The following FAT3 variants were observed in gnomAD, a reference collection of about 807,000 sequenced individuals.
The protein encoded by FAT3 is FAT atypical cadherin 3, also known as protocadherin Fat 3.
Under a neutral mutation model 310.2 loss-of-function variants are expected in FAT3, and 95 were observed. The ratio of observed to expected loss-of-function variants is 0.31; its 90% CI spans 0.26 to 0.36. The LOEUF (loss-of-function observed/expected upper bound fraction) is 0.36. Ranked by LOEUF, FAT3 falls within the 10% of genes least tolerant of loss-of-function variation. The probability of loss-of-function intolerance (pLI) is 1.00; values close to 1 mark genes in which losing one functional copy is unlikely to be tolerated. For missense variants in FAT3, 5,408 were observed against 5,715.6 expected (o/e 0.95, Z 1.74); for synonymous variants, 2,314 against 2,192.9 (o/e 1.06, Z -1.54).
intron 3 of FAT3, among the ~76,000 whole-genome samples, chr11:92,619,767 G>C (rs1017249907): frequency 2.0e-5 from 3 of 151,246 alleles, no homozygotes; most frequent in Admixed American, 6.6e-5. Flanking sequence ...GATCACTCTA[G>C]CTCAATTTTG....
At chr11:92,826,414 C>T (rs978325541) in intron 13 of FAT3, among the ~76,000 whole-genome samples, 9 of 152,100 alleles carry the variant, frequency 5.9e-5, no homozygotes, top group African/African-American at 2.2e-4. Context: ...AGTGTTGGCT[C>T]AAAACCAACT....
In FAT3 at chr11:92,890,520, C is replaced by T. The variant is rs2136442451; in HGVS notation, c.13177C>T (p.Pro4393Ser). The change falls in exon 28 of 28, where the codon CCA becomes TCA. Residue 4393 changes from proline to serine, a missense_variant. Pro to Ser is a moderately conservative substitution (Grantham distance 74). Coordinates refer to ENST00000525166, the MANE Select transcript of FAT3 (RefSeq NM_001367949.2). ...AYHWDTSDWM[P>S]GARLSDIEEV... is the part of the protein sequence containing the mutation. ...TCACTGGGACACCTCTGATTGGATGCCAGGGGCCCGCCTGTCGGACATAGA... is the reference window on the plus strand; with the variant it reads ...TCACTGGGACACCTCTGATTGGATGTCAGGGGCCCGCCTGTCGGACATAGA... 4 of 1,613,122 alleles carry T rather than the reference C, an allele frequency of 2.5e-6. No individual in the cohort carries two copies. The highest frequency in any genetic ancestry group is 3.4e-6 in the Non-Finnish European group (4 of 1,179,552).
At chr11:92,237,309 G>C (rs984945942) in intron 1 of FAT3, among the ~76,000 whole-genome samples, 4 of 152,154 alleles carry the variant, frequency 2.6e-5, no homozygotes, top group Non-Finnish European at 4.4e-5. Flanking sequence ...TGAGTGCTGA[G>C]TGTAAATGGT....
Position 92,229,347 on chromosome 11 carries a change from C to G in FAT3, c.-18+4173C>G, listed in dbSNP as rs377205888. 3.7e-5 allele frequency among the ~76,000 whole-genome samples: 4 copies of G among 108,306 alleles called. No individual in the cohort carries two copies. The East Asian group carries it at 8.7e-4, about 24-fold the overall frequency. The allele number at this position is 108,306 out of a possible 152,430, so 71.1% of individuals were successfully genotyped here. A position where few individuals can be genotyped will look rare whatever the true frequency, so the allele number is the denominator to read the frequency against. On this transcript the variant is annotated intron_variant, in intron 1 of 27. Coordinates refer to ENST00000525166, the MANE Select transcript of FAT3 (RefSeq NM_001367949.2). ...AGTGTGACAACTTTCTCTGGGAAGA[C>G]TCAGAGAGTAAATATCTTTTCTGTG...
intron 1 of FAT3, among the ~76,000 whole-genome samples, chr11:92,334,309 A>G (rs1167033450): frequency 6.6e-6 from 1 of 152,180 alleles, no homozygotes; most frequent in African/African-American, 2.4e-5. Context: ...CTGGGAGTCA[A>G]GGCTGCAGCC....
intron 2 of FAT3, among the ~76,000 whole-genome samples, chr11:92,434,080 T>C (rs1261410529): frequency 6.6e-6 from 1 of 151,294 alleles, no homozygotes; most frequent in African/African-American, 2.4e-5. Flanking sequence ...AGGATGCTGA[T>C]CAGAGGAGAA....
At chr11:92,423,010 A>T (rs1422661350) in intron 2 of FAT3, among the ~76,000 whole-genome samples, 2 of 152,216 alleles carry the variant, frequency 1.3e-5, no homozygotes, top group Non-Finnish European at 2.9e-5. Context: ...TCACTAAAGG[A>T]CAATGGCTCT....
At chr11:92,491,375 C>A (rs1054752774) in intron 2 of FAT3, among the ~76,000 whole-genome samples, 1 of 152,026 alleles carries the variant, frequency 6.6e-6, no homozygotes, top group African/African-American at 2.4e-5. Context: ...GAGAGCCCTA[C>A]CTTTCACACA....
At chr11:92,836,878 CTA>C (rs1284353754) in intron 16 of FAT3, among the ~76,000 whole-genome samples, 175 bp downstream of exon 16, 1 of 152,078 alleles carries the variant, frequency 6.6e-6, no homozygotes, top group Non-Finnish European at 1.5e-5. Context: ...ATAGAATTTT[CTA>C]CCTATAATAG....
rs2136197904 is a variant in FAT3, at chr11:92,805,085, C to T, written c.8897-68C>T. Reference sequence around the variant, plus strand: ...CCTGGATGACTCCACATGCACCTCTCAAGGTAGATGTAGATTAAGACATTT... The same window carrying T: ...CCTGGATGACTCCACATGCACCTCTTAAGGTAGATGTAGATTAAGACATTT... On this transcript the variant is annotated intron_variant, in intron 10 of 27. Coordinates refer to ENST00000525166, the MANE Select transcript of FAT3 (RefSeq NM_001367949.2). 4.6e-6 allele frequency: 7 copies of T among 1,510,524 alleles called. No homozygotes were observed. The South Asian group carries it at 9.0e-5, about 19-fold the overall frequency. 93.6% of individuals were successfully genotyped at this position (1,510,524 alleles called of 1,614,324 possible).
At chr11:92,528,925 A>G (rs1358732743) in intron 3 of FAT3, among the ~76,000 whole-genome samples, 2 of 152,214 alleles carry the variant, frequency 1.3e-5, no homozygotes, top group African/African-American at 4.8e-5. Flanking sequence ...TGTGTAAGCT[A>G]CAAGCACACT....
At position 92,710,084 on chromosome 11, in the gene FAT3, G is replaced by A. The variant is rs547901674; in HGVS notation, c.3669+12639G>A. ...TAATTGAAATAAAATCTACTTTTAG[G>A]TGACTACTTTCAAATAAAATAGAAA... On this transcript the variant is annotated intron_variant, in intron 4 of 27. Coordinates refer to ENST00000525166, the MANE Select transcript of FAT3 (RefSeq NM_001367949.2). Among the ~76,000 whole-genome samples the A allele has an allele frequency of 5.9e-5, 9 of 152,194 alleles. No homozygotes were observed. The South Asian group carries it at 1.5e-3, about 25-fold the overall frequency.
intron 13 of FAT3, among the ~76,000 whole-genome samples, chr11:92,818,947 T>C (rs530726817): frequency 6.6e-6 from 1 of 152,376 alleles, no homozygotes; most frequent in East Asian, 1.9e-4. Context: ...TAATAAGAAT[T>C]TTAAATGATA....
At chr11:92,838,634 A>G (rs1229414645) in intron 17 of FAT3, among the ~76,000 whole-genome samples, 1 of 152,218 alleles carries the variant, frequency 6.6e-6, no homozygotes, top group Non-Finnish European at 1.5e-5. Flanking sequence ...ATTCTAGAGA[A>G]TTAGTTCTTG....
At chr11:92,852,824 C>T (rs930342806) in intron 19 of FAT3, among the ~76,000 whole-genome samples, 15 of 152,130 alleles carry the variant, frequency 9.9e-5, no homozygotes, top group Admixed American at 6.5e-4. Context: ...ACATGTCATG[C>T]TATGGGTTAT....
chr11:92,875,924 A>G (rs918712463), intron 22 of FAT3, among the ~76,000 whole-genome samples: 4 of 152,218 alleles, frequency 2.6e-5, no homozygotes, highest in African/African-American at 9.7e-5. Flanking sequence ...TTTCCAAGGC[A>G]CAGAGACATC....
chr11:92,758,716 T>C (rs189267056), intron 4 of FAT3, among the ~76,000 whole-genome samples: 1 of 152,332 alleles, frequency 6.6e-6, no homozygotes, highest in Non-Finnish European at 1.5e-5. Flanking sequence ...AGGAGGCTAC[T>C]GTGGCCATCC....
rs1949657370 is a variant in FAT3, at chr11:92,880,855, C to T, written c.12252C>T (p.Cys4084=). Residue 4084 remains cysteine, a synonymous_variant, in exon 23 of 28, where the codon TGC becomes TGT. Transcript: ENST00000525166. The stretch of plus-strand genomic sequence containing the variant: ...ATCCAATAGGAAACACTTTCATCTG[C>T]AATTGTAAAGCTGGGCTCACTGGAG... The part of the protein sequence containing the change: ...SCDPIGNTFI[C]NCKAGLTGVT... 1 of 1,613,804 alleles carries T rather than the reference C, an allele frequency of 6.2e-7. No homozygotes were observed. Among genetic ancestry groups the T allele is most frequent in the Non-Finnish European group, 8.5e-7 (1 of 1,179,870 alleles).
At position 92,255,726 on chromosome 11, in the gene FAT3, A is replaced by G. The variant is rs117337052; in HGVS notation, c.-18+30552A>G. Among the ~76,000 whole-genome samples the G allele has an allele frequency of 5.0e-4, 76 of 152,264 alleles. 1 individual carries two copies. In the East Asian group the frequency reaches 0.01, roughly 20 times the overall value. ...AGGGGATAAGAGTAACACCTGCCCT[A>G]TAGAATTTTATGGCAATGAAACAGA... On this transcript the variant is annotated intron_variant, in intron 1 of 27. Transcript: ENST00000525166.
Sources: allele counts gnomAD v4.1 joint callset (sites outside exome capture counted in the v4.1 genomes callset), GRCh38; gene constraint gnomAD v4.1.1; transcripts MANE v1.5; gene names NCBI Gene and HGNC (gene_info 2026-07-23, HGNC 2026-07-21).